SPAG17: variants seen among roughly 807,000 people sequenced by gnomAD.
SPAG17 encodes the protein sperm-associated antigen 17.
In SPAG17, 169 loss-of-function variants were observed where a neutral mutation model predicts 273.6. That is an observed-to-expected ratio of 0.62 (90% CI 0.55 to 0.70). SPAG17 has a LOEUF of 0.70. Ranked by LOEUF, SPAG17 falls within the 30% of genes least tolerant of loss-of-function variation. The pLI is 0.00. For missense variants in SPAG17, 2,557 were observed against 2,627.8 expected, an observed-to-expected ratio of 0.97 and a Z score of 0.59; for synonymous variants, 825 against 873.2, an observed-to-expected ratio of 0.94 and a Z score of 0.97.
chr1:117,973,402 A>T lies in SPAG17; in HGVS notation c.6141+23T>A, dbSNP rs546794852. 4.4e-6 allele frequency: 7 copies of T among 1,607,784 alleles called. No homozygotes were observed. The South Asian group carries it at 6.7e-5, about 15-fold the overall frequency. Reference sequence around the variant, plus strand: ...ATCAAATGCTGATTGGCTGTGGGGAATTTGTTCCAATGTTTGTTTTACCTT... The same window carrying T: ...ATCAAATGCTGATTGGCTGTGGGGATTTTGTTCCAATGTTTGTTTTACCTT... On this transcript the variant is annotated intron_variant, in intron 44 of 48. Transcript: ENST00000336338.
rs376665950 is a variant in SPAG17, at chr1:117,994,501, A to C, written c.5083T>G (p.Phe1695Val). 1 of 1,612,706 alleles carries C rather than the reference A, an allele frequency of 6.2e-7. No homozygotes were observed. Among genetic ancestry groups the C allele is most frequent in the Non-Finnish European group, 8.5e-7 (1 of 1,179,118 alleles). Reference sequence around the variant, plus strand: ...ACTTGCCATGGTGATGCTTCATGGAAAGGGCGAAGGACTGTGATGGTTAGG... The same window carrying C: ...ACTTGCCATGGTGATGCTTCATGGACAGGGCGAAGGACTGTGATGGTTAGG... Reference protein sequence around the residue: ...GTLTITVLRPFHEASPWQVKK... With the variant: ...GTLTITVLRPVHEASPWQVKK... Residue 1695 changes from phenylalanine (F) to valine (V), a missense_variant, in exon 35 of 49, where the codon TTC becomes GTC. Phe to Val is a conservative substitution (Grantham distance 50, BLOSUM62 -1). Transcript: ENST00000336338.
At chr1:118,116,897 G>C (rs868077381) in intron 3 of SPAG17, among the ~76,000 whole-genome samples, 1 of 152,212 alleles carries the variant, frequency 6.6e-6, no homozygotes, top group African/African-American at 2.4e-5. Flanking sequence ...TTTAGGGAAA[G>C]AGACATGATG....
chr1:118,030,059 T>A (rs1402822173), intron 25 of SPAG17, among the ~76,000 whole-genome samples: 1 of 152,178 alleles, frequency 6.6e-6, no homozygotes, highest in African/African-American at 2.4e-5. Context: ...AAATGTTAAG[T>A]GAACAAATTG....
chr1:117,959,518 G>A, intron 48 of SPAG17: 2 of 1,419,120 alleles, frequency 1.4e-6, no homozygotes, highest in African/African-American at 2.9e-5. Flanking sequence ...GCACAGAAGA[G>A]TTGGCGTCAT....
chr1:118,085,668 T>C (rs915869168), intron 13 of SPAG17, among the ~76,000 whole-genome samples: 11 of 152,184 alleles, frequency 7.2e-5, no homozygotes, highest in Non-Finnish European at 1.3e-4. Context: ...AAGGGAATTA[T>C]TGTGGTTAAG....
In SPAG17 at chr1:118,012,384, G is replaced by C. The variant is rs1193979199; in HGVS notation, c.4288-12C>G. On this transcript the variant is annotated splice_polypyrimidine_tract_variant and intron_variant, in intron 29 of 48. Coordinates refer to ENST00000336338, the MANE Select transcript of SPAG17 (RefSeq NM_206996.4). ...CGAGTTGTCATAACCTGAACATGAA[G>C]AGGCAGGACATAATCATTTGGCCAC... The C allele has an allele frequency of 1.9e-6, 3 of 1,611,786 alleles. No homozygotes were observed. The South Asian group carries it at 3.3e-5, about 18-fold the overall frequency.
At chr1:118,086,834 C>T (rs1291072382) in intron 11 of SPAG17, 37 bp downstream of exon 11, 1 of 1,613,950 alleles carries the variant, frequency 6.2e-7, no homozygotes, top group Non-Finnish European at 8.5e-7. Flanking sequence ...TATACTTTTC[C>T]AAAGCATGAA....
intron 42 of SPAG17, 142 bp from the exon 43 acceptor site, chr1:117,981,543 A>C: frequency 1.2e-6 from 1 of 820,826 alleles, no homozygotes; most frequent in Non-Finnish European, 1.8e-6. Context: ...AGAAAGACTA[A>C]ATATAAGAAA....
chr1:117,954,638 T>C (rs1026528253), intron 48 of SPAG17: 4 of 1,610,548 alleles, frequency 2.5e-6, no homozygotes, highest in African/African-American at 1.3e-5. Context: ...GTGAGTAAAA[T>C]GTCTAACGGT....
intron 20 of SPAG17, among the ~76,000 whole-genome samples, chr1:118,050,077 A>G (rs966191574): frequency 6.6e-6 from 1 of 152,180 alleles, no homozygotes; most frequent in African/African-American, 2.4e-5. Context: ...TAAGGGAAGA[A>G]CGCCTCAAGT....
In SPAG17 at chr1:117,970,069, T is replaced by C. The variant is rs1330476747; in HGVS notation, c.6374A>G (p.Tyr2125Cys). The C allele has an allele frequency of 1.2e-6, 2 of 1,613,752 alleles. No individual in the cohort carries two copies. Among genetic ancestry groups the C allele is most frequent in the Admixed American group, 1.7e-5 (1 of 59,938 alleles). The change falls in exon 46 of 49, where the codon TAC (tyrosine) becomes TGC (cysteine). Residue 2125 changes from tyrosine to cysteine, a missense_variant. By Grantham distance (194) the Tyr-to-Cys change is radical (BLOSUM62 -2). Coordinates refer to ENST00000336338, the MANE Select transcript of SPAG17 (RefSeq NM_206996.4). ...PPPSTGLKVT[Y>C]KPGPVAAGMQ... ...TATAGGACTTACAGGTCCAGGTTTG[T>C]AAGTCACTTTCAGTCCTGTGCTGGG... is the stretch of plus-strand genomic sequence containing the variant.
At chr1:118,090,416 T>C (rs964801996) in intron 10 of SPAG17, among the ~76,000 whole-genome samples, 1 of 152,012 alleles carries the variant, frequency 6.6e-6, no homozygotes. Flanking sequence ...GTTAAACATG[T>C]AAATAAATAA....
chr1:118,175,317 A>C (rs758522838), intron 1 of SPAG17, among the ~76,000 whole-genome samples: 1 of 152,192 alleles, frequency 6.6e-6, no homozygotes, highest in Non-Finnish European at 1.5e-5. Flanking sequence ...GGCGTGAGCC[A>C]CTGCGCCCAG....
In SPAG17 at chr1:117,968,720, G is replaced by C. The variant is rs10802003; in HGVS notation, c.6387+1336C>G. On this transcript the variant is annotated intron_variant, in intron 46 of 48. Coordinates refer to ENST00000336338, the MANE Select transcript of SPAG17 (RefSeq NM_206996.4). ...CTACACCAAACCAACCCTTCTGTGTGAGCCTATAACTGGGGCTGCTTTAAG... is the reference window on the plus strand; with the variant it reads ...CTACACCAAACCAACCCTTCTGTGTCAGCCTATAACTGGGGCTGCTTTAAG... Among the ~76,000 whole-genome samples, 1,363 of 152,320 alleles carry C rather than the reference G, an allele frequency of 8.9e-3. 133 individuals are homozygous for C. The East Asian group carries it at 0.21, about 24-fold the overall frequency.
At chr1:118,114,980 T>TTCCCAAGGCCAAAATAAGGAA (rs1261185143) in intron 4 of SPAG17, among the ~76,000 whole-genome samples, 1 of 152,182 alleles carries the variant, frequency 6.6e-6, no homozygotes, top group Non-Finnish European at 1.5e-5. Context: ...ACTGTCCTTT[T>TTCCCAAGGCCAAAATAAGGAA]CATATTTAGT....
intron 36 of SPAG17, 24 bp from the exon 37 acceptor site, chr1:117,991,552 T>A: frequency 7.0e-7 from 1 of 1,431,436 alleles, no homozygotes; most frequent in African/African-American, 1.4e-5. Flanking sequence ...ATAAAATACA[T>A]AGACAAAAAC....
chr1:118,009,824 G>A (rs945561618), intron 30 of SPAG17, among the ~76,000 whole-genome samples: 1 of 151,822 alleles, frequency 6.6e-6, no homozygotes, highest in African/African-American at 2.4e-5. Flanking sequence ...TTTGGAATCA[G>A]TCTACATGTT....
chr1:118,166,597 CA>C (rs1660181271), intron 1 of SPAG17, among the ~76,000 whole-genome samples: 1 of 151,942 alleles, frequency 6.6e-6, no homozygotes, highest in Admixed American at 6.6e-5. Context: ...TCTAAAATTG[CA>C]GGCTAAAACT....
chr1:117,965,331 C>T (rs535657855), intron 47 of SPAG17: 1 of 152,348 alleles, frequency 6.6e-6, no homozygotes, highest in South Asian at 2.1e-4. Flanking sequence ...CTTCCTCCTG[C>T]TCCCTAAACC....
Sources: gnomAD v4.1 joint callset for allele counts (sites outside exome capture counted in the v4.1 genomes callset) on GRCh38, gnomAD v4.1.1 for gene constraint, MANE v1.5 for transcripts, NCBI Gene and HGNC (gene_info 2026-07-23, HGNC 2026-07-21) for gene names.